GLB1L3: variants seen among roughly 807,000 people sequenced by gnomAD.
The protein encoded by GLB1L3 is galactosidase beta 1 like 3.
A neutral mutation model predicts 89.5 loss-of-function variants in GLB1L3; 89 were observed. That is an observed-to-expected ratio of 0.99 (90% confidence interval 0.84 to 1.19). The LOEUF is 1.19. GLB1L3 is among the 50% of genes most tolerant of loss of function. The pLI is 0.00. For synonymous variants in GLB1L3, 314 were observed against 312.3 expected (o/e 1.01, Z -0.06); for missense variants, 812 against 813.3 (o/e 1.00, Z 0.02).
chr11:134,282,264 T>C (rs960603848), intron 5 of GLB1L3, 144 bp downstream of exon 5: 3 of 1,033,398 alleles, frequency 2.9e-6, no homozygotes, highest in African/African-American at 3.3e-5. Flanking sequence ...GCACCGTGCC[T>C]GTGTTGTCTT....
In GLB1L3 at chr11:134,289,024, G is replaced by A. The variant is rs1941186261; in HGVS notation, c.729+134G>A. 2.2e-5 allele frequency: 14 copies of A among 629,122 alleles called. No homozygotes were observed. In the East Asian group the frequency reaches 3.8e-4, roughly 17 times the overall value. The allele number at this position is 629,122 out of a possible 1,614,324, so 39.0% of individuals were successfully genotyped here. ...ATGTTGGCCTGTGAACACGAGGTGCGGAGGGGTGCCGGCCCACTGCATAGC... is the reference window on the plus strand; with the variant it reads ...ATGTTGGCCTGTGAACACGAGGTGCAGAGGGGTGCCGGCCCACTGCATAGC... On this transcript the variant is annotated intron_variant, in intron 7 of 19. Coordinates refer to ENST00000431683, the MANE Select transcript of GLB1L3 (RefSeq NM_001080407.3).
At chr11:134,311,283 C>A in intron 13 of GLB1L3, 113 bp downstream of exon 13, 1 of 823,592 alleles carries the variant, frequency 1.2e-6, no homozygotes, top group South Asian at 1.5e-5. Context: ...GCATTTCATT[C>A]AAATTTAGAA....
intron 9 of GLB1L3, among the ~76,000 whole-genome samples, chr11:134,297,876 A>AGAAAG (rs551252047): frequency 4.5e-5 from 5 of 110,862 alleles, no homozygotes; most frequent in Admixed American, 1.2e-4. Context: ...AAAAAAAAAA[A>AGAAAG]AAAGAAAGAA....
chr11:134,307,389 C>T (rs1462335108), intron 10 of GLB1L3, among the ~76,000 whole-genome samples, 181 bp downstream of exon 10: 1 of 152,130 alleles, frequency 6.6e-6, no homozygotes, highest in African/African-American at 2.4e-5. Flanking sequence ...TACATGGTTC[C>T]CACCCCCAAC....
intron 11 of GLB1L3, chr11:134,310,094 G>A (rs965090275): frequency 2.4e-6 from 1 of 410,472 alleles, no homozygotes; most frequent in Non-Finnish European, 4.4e-6. Context: ...TACAGACTGA[G>A]CAAAGAAAAG....
intron 16 of GLB1L3, among the ~76,000 whole-genome samples, chr11:134,313,739 G>A (rs1199483740): frequency 1.3e-5 from 2 of 152,242 alleles, no homozygotes; most frequent in Non-Finnish European, 2.9e-5. Context: ...AAAAGTTCCA[G>A]TACTAAGTGG....
At chr11:134,317,772 G>T (rs530200339) in intron 18 of GLB1L3, among the ~76,000 whole-genome samples, 1 of 151,934 alleles carries the variant, frequency 6.6e-6, no homozygotes, top group African/African-American at 2.4e-5. Flanking sequence ...AAAATTTCCC[G>T]CTATGGTTGT....
intron 9 of GLB1L3, among the ~76,000 whole-genome samples, chr11:134,302,065 C>G (rs1202677139): frequency 6.6e-6 from 1 of 152,180 alleles, no homozygotes; most frequent in Non-Finnish European, 1.5e-5. Context: ...GGCCTGCTGG[C>G]AGCACCTTCC....
At chr11:134,312,912 A>T in intron 15 of GLB1L3, 25 bp downstream of exon 15, 1 of 1,498,326 alleles carries the variant, frequency 6.7e-7, no homozygotes, top group Non-Finnish European at 9.2e-7. Flanking sequence ...AGTCCAGGTG[A>T]TGCCCTCGAC....
At chr11:134,292,796 T>C in intron 8 of GLB1L3, 1 of 409,492 alleles carries the variant, frequency 2.4e-6, no homozygotes, top group South Asian at 2.6e-5. Context: ...GCCTCCTTAG[T>C]AGTGGCTCTT....
In GLB1L3 at chr11:134,308,865, C is replaced by G. The variant is rs560418775; in HGVS notation, c.962-761C>G. On this transcript the variant is annotated intron_variant, in intron 10 of 19. Transcript: ENST00000431683. ...AGAAAGAAAATAGGTTGCCCCAGGTCATACAAATAGTAACGAGCACAGCCA... is the reference window on the plus strand; with the variant it reads ...AGAAAGAAAATAGGTTGCCCCAGGTGATACAAATAGTAACGAGCACAGCCA... Among the ~76,000 whole-genome samples the G allele has an allele frequency of 2.4e-4, 36 of 152,334 alleles. 1 individual carries two copies. The highest frequency in any genetic ancestry group is 4.3e-4 in the Non-Finnish European group (29 of 68,032).
Position 134,307,203 on chromosome 11 carries a change from C to G in GLB1L3, c.956C>G (p.Ala319Gly). 1 of 1,611,806 alleles carries G rather than the reference C, an allele frequency of 6.2e-7. No individual in the cohort carries two copies. The highest frequency in any genetic ancestry group is 8.5e-7 in the Non-Finnish European group (1 of 1,178,300). ...GGAGATAAGCACCATGTTAAAGATG[C>G]AAAGGGTGAGTGTTTTGCAGTGTTT... ...RWGDKHHVKD[A>G]KEVEHAVSEF... The change falls in exon 10 of 20, where the codon GCA becomes GGA. Residue 319 changes from alanine (A) to glycine (G), a missense_variant. Physicochemically the swap from Ala to Gly is moderately conservative, Grantham distance 60. This residue lies in a region of GLB1L3 where 618 missense variants were observed against 604.0 expected (regional missense o/e 1.02). Coordinates refer to ENST00000431683, the MANE Select transcript of GLB1L3 (RefSeq NM_001080407.3).
At chr11:134,304,333 A>G (rs1942084567) in intron 9 of GLB1L3, among the ~76,000 whole-genome samples, 2 of 152,206 alleles carry the variant, frequency 1.3e-5, no homozygotes, top group African/African-American at 2.4e-5. Flanking sequence ...AAAATCCTCA[A>G]TGAGTGGGTT....
chr11:134,300,543 C>G (rs1214096319), intron 9 of GLB1L3, among the ~76,000 whole-genome samples: 1 of 151,952 alleles, frequency 6.6e-6, no homozygotes, highest in East Asian at 1.9e-4. Context: ...ACCGTGTTAG[C>G]CAGGATGGTC....
At chr11:134,300,050 G>T (rs1006103295) in intron 9 of GLB1L3, among the ~76,000 whole-genome samples, 5 of 152,180 alleles carry the variant, frequency 3.3e-5, no homozygotes, top group Non-Finnish European at 7.4e-5. Context: ...CACCAGAAAG[G>T]AAGCTGTGTT....
At chr11:134,292,775 G>A (rs1284387692) in intron 8 of GLB1L3, 21 of 367,560 alleles carry the variant, frequency 5.7e-5, no homozygotes, top group South Asian at 5.5e-4. Context: ...GCTGCCGGCG[G>A]CTGCCGTTCT....
At chr11:134,280,013 T>C (rs1005386949) in intron 3 of GLB1L3, among the ~76,000 whole-genome samples, 1 of 152,106 alleles carries the variant, frequency 6.6e-6, no homozygotes. Flanking sequence ...TGTTTTCTAA[T>C]ATATTCCTTC....
the GLB1L3 span, among the ~76,000 whole-genome samples, chr11:134,324,867 TC>T: frequency 1.4e-4 from 22 of 152,144 alleles, no homozygotes; most frequent in South Asian, 3.9e-3. Flanking sequence ...TATAACATAA[TC>T]TTTATTGTGT....
chr11:134,316,071 C>T (rs1942965740), intron 18 of GLB1L3, among the ~76,000 whole-genome samples: 1 of 152,098 alleles, frequency 6.6e-6, no homozygotes, highest in South Asian at 2.1e-4. Flanking sequence ...CCTCTATCTC[C>T]AGTTCCAGCA....
Sources: gnomAD v4.1 joint callset for allele counts (sites outside exome capture counted in the v4.1 genomes callset) on GRCh38, gnomAD v4.1.1 for gene constraint, gnomAD v4.1.1 regional missense constraint, MANE v1.5 for transcripts, NCBI Gene and HGNC (gene_info 2026-07-23, HGNC 2026-07-21) for gene names.